The following DCAF8L2 variants were observed in gnomAD, a reference collection of about 807,000 sequenced individuals.
The protein encoded by DCAF8L2 is DDB1 and CUL4 associated factor 8 like 2.
For synonymous variants in DCAF8L2, 200 were observed against 190.9 expected, an observed-to-expected ratio of 1.05 and a Z score of -0.39; for missense variants, 430 against 490.7, an observed-to-expected ratio of 0.88 and a Z score of 1.17.
the DCAF8L2 span, among the ~76,000 whole-genome samples, chrX:27,582,493 AGT>A: frequency 9.0e-6 from 1 of 110,881 alleles, no homozygotes; most frequent in Non-Finnish European, 1.9e-5. Flanking sequence ...CATACTGGTT[AGT>A]TCTTTTATAG....
chrX:27,635,411 T>C (rs1928459859), intron 2 of DCAF8L2, among the ~76,000 whole-genome samples: 1 of 111,800 alleles, frequency 8.9e-6, no homozygotes, highest in African/African-American at 3.3e-5. Context: ...TACCTAAATA[T>C]AGCTGTGTTG....
chrX:27,515,074 T>C, the DCAF8L2 span, among the ~76,000 whole-genome samples: 2 of 112,174 alleles, frequency 1.8e-5, no homozygotes, highest in Non-Finnish European at 3.8e-5. Context: ...GTCACAGATA[T>C]GGTAATTTCC....
At chrX:27,544,315 G>C in the DCAF8L2 span, among the ~76,000 whole-genome samples, 1 of 111,764 alleles carries the variant, frequency 8.9e-6, no homozygotes, top group Non-Finnish European at 1.9e-5. Context: ...TATTTTGTAT[G>C]ACTCTGTGGC....
At chrX:27,502,362 A>G in the DCAF8L2 span, among the ~76,000 whole-genome samples, 35 of 68,363 alleles carry the variant, frequency 5.1e-4, no homozygotes, top group Non-Finnish European at 9.4e-4. Flanking sequence ...ATATATATAT[A>G]TATATATATA....
At chrX:27,484,096 T>G in the DCAF8L2 span, among the ~76,000 whole-genome samples, 1 of 111,589 alleles carries the variant, frequency 9.0e-6, no homozygotes, top group African/African-American at 3.2e-5. Flanking sequence ...TTTGAGTATC[T>G]TAGCATTGCA....
At chrX:27,563,230 AT>A in the DCAF8L2 span, among the ~76,000 whole-genome samples, 15 of 111,601 alleles carry the variant, frequency 1.3e-4, no homozygotes, top group Non-Finnish European at 2.8e-4. Flanking sequence ...AGAAAAAAAA[AT>A]ATATTTATCC....
At chrX:27,542,532 A>ATTTTTTTTTTTTTTTTTTTTTTTTT in the DCAF8L2 span, among the ~76,000 whole-genome samples, 1 of 58,446 alleles carries the variant, frequency 1.7e-5, no homozygotes, top group African/African-American at 6.6e-5. Flanking sequence ...TCCTTTGCCT[A>ATTTTTTTTTTTTTTTTTTTTTTTTT]CTTTTTTTTT....
At chrX:27,643,504 T>A (rs1928821710) in intron 2 of DCAF8L2, among the ~76,000 whole-genome samples, 1 of 111,894 alleles carries the variant, frequency 8.9e-6, no homozygotes, top group Non-Finnish European at 1.9e-5. Flanking sequence ...GATAAAAGAA[T>A]CCCAGTAATT....
the DCAF8L2 span, among the ~76,000 whole-genome samples, chrX:27,500,453 C>T: frequency 1.8e-5 from 2 of 111,609 alleles, no homozygotes; most frequent in Non-Finnish European, 3.8e-5. Context: ...GGAATTTTCA[C>T]AGATCGGCCA....
the DCAF8L2 span, among the ~76,000 whole-genome samples, chrX:27,576,868 ACTAT>A: frequency 8.9e-6 from 1 of 111,930 alleles, no homozygotes; most frequent in Admixed American, 9.5e-5. Context: ...TTGAACTCAA[ACTAT>A]CTATTATATC....
intron 2 of DCAF8L2, among the ~76,000 whole-genome samples, chrX:27,641,737 G>T (rs1307293711): frequency 1.8e-5 from 2 of 110,280 alleles, no homozygotes; most frequent in Non-Finnish European, 3.8e-5. Context: ...CTCCCAAAGC[G>T]CTGGGACTAC....
chrX:27,689,726 A>T (rs942303453), intron 3 of DCAF8L2, among the ~76,000 whole-genome samples: 1 of 112,359 alleles, frequency 8.9e-6, no homozygotes, highest in East Asian at 2.8e-4. Flanking sequence ...ACATTCAGCA[A>T]ATATATGAGT....
At chrX:27,589,048 C>T (rs1303056132), upstream of DCAF8L2, among the ~76,000 whole-genome samples, 1 of 111,700 alleles carries the variant, frequency 9.0e-6, no homozygotes, top group Admixed American at 9.5e-5. Flanking sequence ...GCTAATCACT[C>T]ACATTTTGGA....
the DCAF8L2 span, among the ~76,000 whole-genome samples, chrX:27,554,906 G>A: frequency 3.6e-5 from 4 of 111,575 alleles, no homozygotes; most frequent in African/African-American, 1.3e-4. Flanking sequence ...TACACATTCA[G>A]TTGTGCCAGA....
chrX:27,503,696 T>G, the DCAF8L2 span, among the ~76,000 whole-genome samples: 1 of 111,388 alleles, frequency 9.0e-6, no homozygotes, highest in Non-Finnish European at 1.9e-5. Context: ...TAGCAAGTCT[T>G]AAAATCAGGT....
chrX:27,699,974 G>A (rs1191594843), intron 3 of DCAF8L2, among the ~76,000 whole-genome samples: 2 of 111,361 alleles, frequency 1.8e-5, no homozygotes, highest in African/African-American at 3.3e-5. Flanking sequence ...GTTCAACATC[G>A]AGATGAGCTA....
At chrX:27,482,705 G>A in the DCAF8L2 span, among the ~76,000 whole-genome samples, 1 of 111,848 alleles carries the variant, frequency 8.9e-6, no homozygotes, top group Non-Finnish European at 1.9e-5. Flanking sequence ...TGGAACGTTA[G>A]AAAGAACTTG....
At chrX:27,515,399 G>A in the DCAF8L2 span, among the ~76,000 whole-genome samples, 1 of 111,868 alleles carries the variant, frequency 8.9e-6, no homozygotes, top group Non-Finnish European at 1.9e-5. Context: ...ATTGCAATTA[G>A]CCAGGCGTGG....
intron 4 of DCAF8L2, among the ~76,000 whole-genome samples, chrX:27,740,736 T>G (rs1316519102): frequency 8.9e-6 from 1 of 112,014 alleles, no homozygotes; most frequent in Non-Finnish European, 1.9e-5. Flanking sequence ...CTCTTTTCAT[T>G]TGCCCTCTAC....
Sources: gnomAD v4.1 joint callset for allele counts (sites outside exome capture counted in the v4.1 genomes callset) on GRCh38, gnomAD v4.1.1 for gene constraint, MANE v1.5 for transcripts, NCBI Gene and HGNC (gene_info 2026-07-23, HGNC 2026-07-21) for gene names.